CATSPERB: variants seen among roughly 807,000 people sequenced by gnomAD.
CATSPERB encodes catsper channel auxiliary subunit beta.
CATSPERB carries 93 observed loss-of-function variants against 128.3 expected under a neutral mutation model. The observed-to-expected ratio is 0.72, with a 90% CI of 0.61 to 0.86. The LOEUF (loss-of-function observed/expected upper bound fraction) is 0.86, where lower values mean the gene tolerates loss of function less well. Ranked by LOEUF, CATSPERB falls within the 40% of genes least tolerant of loss-of-function variation. The pLI is 0.00. For missense variants in CATSPERB, 1,153 were observed against 1,329.5 expected (o/e 0.87, Z 2.06); for synonymous variants, 381 against 448.8 (o/e 0.85, Z 1.91).
At chr14:91,703,987 G>A (rs888459189) in intron 7 of CATSPERB, among the ~76,000 whole-genome samples, 3 of 152,000 alleles carry the variant, frequency 2.0e-5, no homozygotes, top group African/African-American at 4.8e-5. Flanking sequence ...TGGAGAGGGG[G>A]GTCTGTGCTA....
At chr14:91,676,141 A>C (rs1469814576) in intron 11 of CATSPERB, among the ~76,000 whole-genome samples, 1 of 152,184 alleles carries the variant, frequency 6.6e-6, no homozygotes, top group Non-Finnish European at 1.5e-5. Context: ...CAGTCATTAG[A>C]CTGTTGGGGA....
intron 22 of CATSPERB, chr14:91,603,532 G>C: frequency 1.2e-6 from 1 of 821,362 alleles, no homozygotes; most frequent in Non-Finnish European, 2.1e-6. Context: ...CAAGGAAGGG[G>C]TGCAGGCAGA....
chr14:91,708,909 T>C (rs1234863788), intron 5 of CATSPERB, among the ~76,000 whole-genome samples: 1 of 152,190 alleles, frequency 6.6e-6, no homozygotes, highest in Non-Finnish European at 1.5e-5. Flanking sequence ...AGTAAAAGAA[T>C]GGATAGGGCC....
chr14:91,721,580 T>C (rs756578345), intron 4 of CATSPERB, among the ~76,000 whole-genome samples: 6 of 152,128 alleles, frequency 3.9e-5, no homozygotes, highest in African/African-American at 7.2e-5. Flanking sequence ...CCAGGCATGA[T>C]GGCTCATGCC....
At chr14:91,667,613 A>G (rs1034470854) in intron 14 of CATSPERB, among the ~76,000 whole-genome samples, 80 of 152,302 alleles carry the variant, frequency 5.3e-4, no homozygotes, top group African/African-American at 1.8e-3. Context: ...TTACTCTACA[A>G]TCCTAAATAG....
chr14:91,581,151 AATG>A, intron 26 of CATSPERB, 44 bp from the exon 27 acceptor site: 1 of 1,473,118 alleles, frequency 6.8e-7, no homozygotes, highest in Non-Finnish European at 9.4e-7. Context: ...TGAATTTAGC[AATG>A]CAAAACACTG....
chr14:91,668,102 C>T (rs1254721657), intron 14 of CATSPERB, among the ~76,000 whole-genome samples: 2 of 152,186 alleles, frequency 1.3e-5, no homozygotes, highest in African/African-American at 4.8e-5. Context: ...TTCACCCCAT[C>T]CAGCAGGAAG....
At chr14:91,700,152 A>G (rs1895623114) in intron 7 of CATSPERB, among the ~76,000 whole-genome samples, 1 of 151,972 alleles carries the variant, frequency 6.6e-6, no homozygotes, top group African/African-American at 2.4e-5. Context: ...CTCATTGTTC[A>G]ACTTCCATTT....
chr14:91,655,566 C>T (rs1023884418), intron 15 of CATSPERB, among the ~76,000 whole-genome samples: 1 of 152,082 alleles, frequency 6.6e-6, no homozygotes, highest in Non-Finnish European at 1.5e-5. Flanking sequence ...ATCAGAGTCT[C>T]TTAATAGCAG....
At position 91,637,508 on chromosome 14, in the gene CATSPERB, T is replaced by C. The variant is rs533654751; in HGVS notation, c.1588-929A>G. 2.7e-3 allele frequency among the ~76,000 whole-genome samples: 418 copies of C among 152,278 alleles called. 1 individual carries two copies. The highest frequency in any genetic ancestry group is 4.0e-3 in the Non-Finnish European group (269 of 68,020). On this transcript the variant is annotated intron_variant, in intron 16 of 26. Coordinates refer to ENST00000256343, the MANE Select transcript of CATSPERB (RefSeq NM_024764.4). Reference sequence around the variant, plus strand: ...GCAAGTGTATCCTAGGGAAAGTGTATGCAAGTCCAATGAAAGGCAGCAGGT... The same window carrying C: ...GCAAGTGTATCCTAGGGAAAGTGTACGCAAGTCCAATGAAAGGCAGCAGGT...
chr14:91,724,480 C>T (rs1457909377), intron 3 of CATSPERB, among the ~76,000 whole-genome samples: 2 of 152,126 alleles, frequency 1.3e-5, no homozygotes, highest in Non-Finnish European at 2.9e-5. Flanking sequence ...GGAATACATG[C>T]ATTTGCTCTC....
At chr14:91,627,423 G>A (rs981118034) in intron 17 of CATSPERB, among the ~76,000 whole-genome samples, 3 of 152,136 alleles carry the variant, frequency 2.0e-5, no homozygotes, top group African/African-American at 7.2e-5. Context: ...ATTAACAAGA[G>A]AAAAACAGGT....
chr14:91,618,472 T>G (rs931042055), intron 19 of CATSPERB, among the ~76,000 whole-genome samples: 9 of 152,184 alleles, frequency 5.9e-5, no homozygotes, highest in Non-Finnish European at 1.0e-4. Flanking sequence ...TACAAATATT[T>G]TCTCAGAGAA....
At chr14:91,728,893 C>A (rs781491595) in intron 2 of CATSPERB, among the ~76,000 whole-genome samples, 2 of 152,214 alleles carry the variant, frequency 1.3e-5, no homozygotes, top group African/African-American at 2.4e-5. Flanking sequence ...CACAGTTATA[C>A]AACCACAACA....
chr14:91,661,524 C>CATAT (rs58330624), intron 14 of CATSPERB, among the ~76,000 whole-genome samples: 27,133 of 126,824 alleles, frequency 0.21, 3,126 homozygotes, highest in Non-Finnish European at 0.24. Context: ...CAGATGCTAT[C>CATAT]ATATATATAT....
intron 20 of CATSPERB, 92 bp downstream of exon 20, chr14:91,617,505 G>T: frequency 2.2e-6 from 2 of 915,930 alleles, no homozygotes; most frequent in South Asian, 1.9e-5. Flanking sequence ...AAACAGAGAT[G>T]TTTAAAATGA....
rs566414094 is a variant in CATSPERB, at chr14:91,591,774, T to G, written c.2820+118A>C. The G allele has an allele frequency of 1.3e-3, 929 of 712,254 alleles. 1 individual carries two copies. Among genetic ancestry groups the G allele is most frequent in the Non-Finnish European group, 2.1e-3 (837 of 406,054 alleles). The allele number at this position is 712,254 out of a possible 1,614,324, so 44.1% of individuals were successfully genotyped here. ...TCTAGCTCGGTGTCATATTTAGCTC[T>G]GCATCATAATAAGACATTATTTCTA... is the stretch of plus-strand genomic sequence containing the variant. On this transcript the variant is annotated intron_variant, in intron 23 of 26. Transcript: ENST00000256343.
chr14:91,722,702 C>T (rs1215678979), intron 4 of CATSPERB, among the ~76,000 whole-genome samples: 2 of 152,060 alleles, frequency 1.3e-5, no homozygotes, highest in African/African-American at 4.8e-5. Flanking sequence ...GAAATAAAGA[C>T]ATTTTTAGAA....
chr14:91,596,781 G>GGTGTTTGCATTTGGTAA (rs1767763526), intron 22 of CATSPERB, among the ~76,000 whole-genome samples: 2 of 151,988 alleles, frequency 1.3e-5, no homozygotes, highest in South Asian at 4.1e-4. Flanking sequence ...TTTCATATTT[G>GGTGTTTGCATTTGGTAA]ACAATGCTTC....
Sources: gnomAD v4.1 joint callset for allele counts (sites outside exome capture counted in the v4.1 genomes callset) on GRCh38, gnomAD v4.1.1 for gene constraint, MANE v1.5 for transcripts, NCBI Gene and HGNC (gene_info 2026-07-23, HGNC 2026-07-21) for gene names.